CYP4Z1: variants seen among roughly 807,000 people sequenced by gnomAD.
CYP4Z1 encodes cytochrome P450 4Z1.
Under a neutral mutation model 54.2 loss-of-function variants are expected in CYP4Z1, and 41 were observed. The observed-to-expected ratio is 0.76, with a 90% CI of 0.59 to 0.98. CYP4Z1 has a LOEUF of 0.98. Ranked by LOEUF, CYP4Z1 falls within the 50% of genes least tolerant of loss-of-function variation. The probability of loss-of-function intolerance (pLI) is 0.00; values close to 1 mark genes in which losing one functional copy is unlikely to be tolerated. For synonymous variants in CYP4Z1, 163 were observed against 206.2 expected (o/e 0.79, Z 1.79); for missense variants, 513 against 599.0 (o/e 0.86, Z 1.50).
At chr1:47,089,596 TA>T (rs1644623907) in intron 6 of CYP4Z1, among the ~76,000 whole-genome samples, 2 of 152,268 alleles carry the variant, frequency 1.3e-5, no homozygotes, top group Non-Finnish European at 2.9e-5. Context: ...TTATGGCCTA[TA>T]GTTATCCCCA....
At chr1:47,070,332 T>TTTAAAATGGTATTTTAGTA (rs1553154851) in intron 2 of CYP4Z1, among the ~76,000 whole-genome samples, 2 of 115,304 alleles carry the variant, frequency 1.7e-5, no homozygotes, top group Non-Finnish European at 3.4e-5. Flanking sequence ...TTTAAATCAC[T>TTTAAAATGGTATTTTAGTA]TTTAAGTATA....
the CYP4Z1 span, among the ~76,000 whole-genome samples, chr1:47,057,270 A>G: frequency 2.1e-5 from 3 of 140,604 alleles, no homozygotes; most frequent in Non-Finnish European, 4.6e-5. Context: ...TGGCTTGTAG[A>G]GTTTCTGCCG....
chr1:47,086,691 A>C (rs976882641), intron 6 of CYP4Z1, among the ~76,000 whole-genome samples: 2 of 152,068 alleles, frequency 1.3e-5, no homozygotes, highest in African/African-American at 4.8e-5. Flanking sequence ...GAAGCTCTTT[A>C]GTTTAATAAG....
chr1:47,057,365 TATA>T, the CYP4Z1 span, among the ~76,000 whole-genome samples: 1 of 118,098 alleles, frequency 8.5e-6, no homozygotes, highest in East Asian at 2.3e-4. Flanking sequence ...TATATATATA[TATA>T]TATATATATG....
upstream of CYP4Z1, among the ~76,000 whole-genome samples, chr1:47,066,804 A>G (rs537345136): frequency 1.4e-4 from 21 of 152,156 alleles, no homozygotes; most frequent in African/African-American, 5.1e-4. Context: ...TGCAAAATTA[A>G]TATACACAAA....
At chr1:47,105,491 C>T (rs781130316) in intron 8 of CYP4Z1, among the ~76,000 whole-genome samples, 1 of 152,176 alleles carries the variant, frequency 6.6e-6, no homozygotes, top group Non-Finnish European at 1.5e-5. Context: ...GAACGTGGAT[C>T]ACTGGAGGGC....
At chr1:47,076,867 G>A (rs1405794508) in intron 2 of CYP4Z1, among the ~76,000 whole-genome samples, 2 of 129,042 alleles carry the variant, frequency 1.5e-5, no homozygotes, top group Non-Finnish European at 3.2e-5. Context: ...AAAAAAGAAT[G>A]TCTTGTTTAA....
At chr1:47,057,496 C>CT in the CYP4Z1 span, among the ~76,000 whole-genome samples, 1 of 114,990 alleles carries the variant, frequency 8.7e-6, no homozygotes, top group African/African-American at 3.4e-5. Flanking sequence ...TTTTTTTTAG[C>CT]TTTTTTCATT....
chr1:47,100,826 C>T (rs11211442), intron 8 of CYP4Z1, among the ~76,000 whole-genome samples: 63,707 of 151,934 alleles, frequency 0.42, 14,720 homozygotes, highest in East Asian at 0.97. Context: ...TGGAACGTAT[C>T]CCTCACAGAT....
At chr1:47,063,865 C>T (rs557912657), upstream of CYP4Z1, among the ~76,000 whole-genome samples, 41 of 152,180 alleles carry the variant, frequency 2.7e-4, no homozygotes, top group South Asian at 5.2e-3. Context: ...GAGATCTAGA[C>T]ATCCCAATAA....
At chr1:47,111,224 C>T (rs1410680810) in intron 9 of CYP4Z1, among the ~76,000 whole-genome samples, 2 of 151,674 alleles carry the variant, frequency 1.3e-5, no homozygotes, top group Non-Finnish European at 2.9e-5. Flanking sequence ...TGCTCTGTTG[C>T]CCAGGCTGGA....
chr1:47,097,095 G>C (rs1029603275), intron 7 of CYP4Z1: 3 of 152,108 alleles, frequency 2.0e-5, no homozygotes, highest in African/African-American at 7.2e-5. Flanking sequence ...AGTTTTCTGA[G>C]GATAATGGCT....
rs563965766 is a variant in CYP4Z1 at position 47,117,949 on chromosome 1, G to T, written c.*15G>T. 16 of 1,610,940 alleles carry T rather than the reference G, an allele frequency of 9.9e-6. No homozygotes were observed. Among genetic ancestry groups the T allele is most frequent in the Non-Finnish European group, 1.4e-5 (16 of 1,178,264 alleles). On this transcript the variant is annotated 3_prime_UTR_variant, in exon 12 of 12. Transcript: ENST00000334194. Reference sequence around the variant, plus strand: ...AAGTTTGCTAATTTTAAGTCCTTTCGTATAAGAATTAATGAGACAATTTTC... The same window carrying T: ...AAGTTTGCTAATTTTAAGTCCTTTCTTATAAGAATTAATGAGACAATTTTC...
At chr1:47,061,983 C>T in the CYP4Z1 span, among the ~76,000 whole-genome samples, 1 of 152,174 alleles carries the variant, frequency 6.6e-6, no homozygotes, top group Non-Finnish European at 1.5e-5. Flanking sequence ...AATTGGACAT[C>T]ACTTCATGTT....
At chr1:47,089,685 A>C (rs1255423572) in intron 6 of CYP4Z1, among the ~76,000 whole-genome samples, 4 of 152,232 alleles carry the variant, frequency 2.6e-5, no homozygotes, top group Non-Finnish European at 5.9e-5. Flanking sequence ...CTTTTCACCT[A>C]GAAGCAATCA....
intron 7 of CYP4Z1, chr1:47,096,783 A>C (rs1377216454): frequency 1.3e-5 from 2 of 151,920 alleles, no homozygotes; most frequent in Non-Finnish European, 2.9e-5. Context: ...CATTGCCACC[A>C]TGCCTGGCTA....
At chr1:47,089,989 TTAA>T (rs750853587) in intron 6 of CYP4Z1, among the ~76,000 whole-genome samples, 24 of 152,396 alleles carry the variant, frequency 1.6e-4, no homozygotes, top group Non-Finnish European at 2.6e-4. Flanking sequence ...CCTTTAATTA[TTAA>T]TTTTTTCTGA....
rs1244826025 is a variant in CYP4Z1 at position 47,086,436 on chromosome 1, G to A, written c.772+1458G>A. Among the ~76,000 whole-genome samples the A allele has an allele frequency of 9.2e-5, 14 of 152,296 alleles. No homozygotes were observed. The East Asian group carries it at 2.7e-3, about 29-fold the overall frequency. ...TTGTGGTTTTGATTTGCATTTCTCTGATGGCCAGTGATGATGAGCATTTTT... is the reference window on the plus strand; with the variant it reads ...TTGTGGTTTTGATTTGCATTTCTCTAATGGCCAGTGATGATGAGCATTTTT... On this transcript the variant is annotated intron_variant, in intron 6 of 11. Transcript: ENST00000334194.
At chr1:47,099,060 A>T in intron 7 of CYP4Z1, 34 bp from the exon 8 acceptor site, 2 of 1,601,846 alleles carry the variant, frequency 1.2e-6, no homozygotes, top group Non-Finnish European at 1.7e-6. Context: ...ATCCATAGCC[A>T]GCTTTGGATA....
Sources: allele counts gnomAD v4.1 joint callset (sites outside exome capture counted in the v4.1 genomes callset), GRCh38; gene constraint gnomAD v4.1.1; transcripts MANE v1.5; gene names NCBI Gene and HGNC (gene_info 2026-07-23, HGNC 2026-07-21).